Variants in BLVRB observed in about 807,000 individuals in gnomAD.
BLVRB encodes biliverdin reductase B, also known as flavin reductase (NADPH).
In BLVRB, 25 loss-of-function variants were observed where a neutral mutation model predicts 21.1. The observed-to-expected ratio is 1.19, with a 90% CI of 0.86 to 1.66. The LOEUF (loss-of-function observed/expected upper bound fraction) is 1.66. Ranked by LOEUF, BLVRB falls within the 40% of genes most tolerant of loss-of-function variation. BLVRB has a pLI of 0.00. For synonymous variants in BLVRB, 128 were observed against 122.2 expected (o/e 1.05, Z -0.31); for missense variants, 274 against 282.7 (o/e 0.97, Z 0.22).
intron 3 of BLVRB, chr19:40,457,916 G>A (rs1222468363): frequency 8.0e-6 from 4 of 501,768 alleles, no homozygotes; most frequent in East Asian, 5.9e-5. Context: ...TGATCTGGAT[G>A]TCAGTTTGAT....
intron 1 of BLVRB, among the ~76,000 whole-genome samples, chr19:40,460,708 C>A (rs959089342): frequency 6.6e-6 from 1 of 152,106 alleles, no homozygotes; most frequent in African/African-American, 2.4e-5. Flanking sequence ...CGCGATGGCT[C>A]ACGCCTGTAA....
chr19:40,454,102 T>C (rs1035021917), intron 3 of BLVRB, among the ~76,000 whole-genome samples: 13 of 152,070 alleles, frequency 8.5e-5, no homozygotes, highest in African/African-American at 2.9e-4. Flanking sequence ...TTTTAAAAAT[T>C]AGATGGGCAT....
Position 40,447,864 on chromosome 19 carries a change from C to T in BLVRB, c.*25G>A, listed in dbSNP as rs10281. 5.0e-6 allele frequency: 8 copies of T among 1,596,386 alleles called. No homozygotes were observed. In the African/African-American group the frequency reaches 1.1e-4, roughly 21 times the overall value. On this transcript the variant is annotated 3_prime_UTR_variant, in exon 5 of 5. Coordinates refer to ENST00000263368, the MANE Select transcript of BLVRB (RefSeq NM_000713.3). ...CTTTGCTCCTCATGTCCCAGAATGC[C>T]ACCCTCCCAGATGGGGACAGAGTGC...
chr19:40,456,885 C>T (rs934571960), intron 3 of BLVRB, among the ~76,000 whole-genome samples: 2 of 152,046 alleles, frequency 1.3e-5, no homozygotes, highest in African/African-American at 4.8e-5. Flanking sequence ...CACGCCACTG[C>T]ACTCCAGCCT....
At chr19:40,465,327 A>G (rs912379642) in intron 1 of BLVRB, among the ~76,000 whole-genome samples, 6 of 152,202 alleles carry the variant, frequency 3.9e-5, no homozygotes, top group African/African-American at 1.4e-4. Flanking sequence ...CACAATAATG[A>G]CAACCGCATT....
intron 1 of BLVRB, among the ~76,000 whole-genome samples, chr19:40,461,658 C>G (rs2079788237): frequency 6.6e-6 from 1 of 152,060 alleles, no homozygotes; most frequent in Non-Finnish European, 1.5e-5. Flanking sequence ...TGCCACCATG[C>G]CTGGCTAATT....
chr19:40,457,938 T>C, intron 3 of BLVRB: 1 of 555,836 alleles, frequency 1.8e-6, no homozygotes, highest in South Asian at 2.5e-5. Flanking sequence ...ATGGATCTGT[T>C]TACCACCTCT....
At chr19:40,451,340 C>A in intron 4 of BLVRB, 24 bp downstream of exon 4, 1 of 1,588,490 alleles carries the variant, frequency 6.3e-7, no homozygotes, top group South Asian at 1.1e-5. Context: ...GGCATTGGTG[C>A]CACCAGGTCC....
At chr19:40,460,611 A>AT (rs1555806420) in intron 1 of BLVRB, among the ~76,000 whole-genome samples, 65 of 149,588 alleles carry the variant, frequency 4.3e-4, no homozygotes, top group East Asian at 3.1e-3. Flanking sequence ...AAATAAATAA[A>AT]TAAATTAAAT....
At chr19:40,464,838 C>G (rs2079803642) in intron 1 of BLVRB, among the ~76,000 whole-genome samples, 1 of 152,190 alleles carries the variant, frequency 6.6e-6, no homozygotes, top group Non-Finnish European at 1.5e-5. Flanking sequence ...CCAAGGCCTG[C>G]AAGGGTGGGG....
At chr19:40,452,880 CA>C (rs1482301698) in intron 3 of BLVRB, among the ~76,000 whole-genome samples, 1 of 94,980 alleles carries the variant, frequency 1.1e-5, no homozygotes, top group Admixed American at 9.7e-5. Context: ...CAAAGCAGAA[CA>C]AAACAAAACA....
At chr19:40,448,072 G>A in intron 4 of BLVRB, 26 bp from the exon 5 acceptor site, 1 of 1,596,292 alleles carries the variant, frequency 6.3e-7, no homozygotes, top group Non-Finnish European at 8.6e-7. Flanking sequence ...AAGAGGGGCT[G>A]GATAAAGCAG....
chr19:40,465,321 A>G (rs1290950770), intron 1 of BLVRB, among the ~76,000 whole-genome samples: 14 of 152,238 alleles, frequency 9.2e-5, no homozygotes, highest in Non-Finnish European at 4.4e-5. Context: ...CACAACCACA[A>G]TAATGACAAC....
chr19:40,457,251 C>A (rs1211306023), intron 3 of BLVRB, among the ~76,000 whole-genome samples: 1 of 152,054 alleles, frequency 6.6e-6, no homozygotes, highest in Non-Finnish European at 1.5e-5. Context: ...GGAAAAAAGC[C>A]ATAAATGATT....
intron 1 of BLVRB, among the ~76,000 whole-genome samples, chr19:40,460,863 T>C (rs2079783997): frequency 6.6e-6 from 1 of 152,000 alleles, no homozygotes; most frequent in African/African-American, 2.4e-5. Flanking sequence ...TCCCAGCTAC[T>C]TGGGAGGCTG....
At chr19:40,463,047 G>A (rs555264594) in intron 1 of BLVRB, among the ~76,000 whole-genome samples, 1 of 151,988 alleles carries the variant, frequency 6.6e-6, no homozygotes, top group African/African-American at 2.4e-5. Flanking sequence ...GTCATCATTT[G>A]TTACCCTATA....
At chr19:40,452,549 C>T (rs1046689998) in intron 3 of BLVRB, among the ~76,000 whole-genome samples, 10 of 151,666 alleles carry the variant, frequency 6.6e-5, no homozygotes, top group Admixed American at 5.9e-4. Flanking sequence ...GGCATGATAC[C>T]GGCCAAGCCT....
chr19:40,462,415 A>G (rs904689089), intron 1 of BLVRB, among the ~76,000 whole-genome samples: 4 of 150,886 alleles, frequency 2.7e-5, no homozygotes, highest in Non-Finnish European at 5.9e-5. Context: ...AGTAGCTGGG[A>G]TTATAGGTGT....
rs1053931513 is a variant in BLVRB, at chr19:40,465,702, G to C, written c.-14C>G. On this transcript the variant is annotated 5_prime_UTR_variant, in exon 1 of 5. Coordinates refer to ENST00000263368, the MANE Select transcript of BLVRB (RefSeq NM_000713.3). ...CTTGACGGCCATCGTACGGGATCGT[G>C]GGGGTGCAAGGCCTCAGAGTCTCGG... is the stretch of plus-strand genomic sequence containing the variant. The C allele has an allele frequency of 8.7e-6, 14 of 1,611,976 alleles. No individual in the cohort carries two copies. The highest frequency in any genetic ancestry group is 1.7e-5 in the Admixed American group (1 of 59,934).
Sources: gnomAD v4.1 joint callset for allele counts (sites outside exome capture counted in the v4.1 genomes callset) on GRCh38, gnomAD v4.1.1 for gene constraint, MANE v1.5 for transcripts, NCBI Gene and HGNC (gene_info 2026-07-23, HGNC 2026-07-21) for gene names.